Variants in ZNF804B observed in about 807,000 individuals in gnomAD.
The protein encoded by ZNF804B is zinc finger protein 804B.
ZNF804B carries 80 observed loss-of-function variants against 101.4 expected under a neutral mutation model. That is an observed-to-expected ratio of 0.79 (90% CI 0.66 to 0.95). The LOEUF is 0.95. Ranked by LOEUF, ZNF804B falls within the 40% of genes least tolerant of loss-of-function variation. The probability of loss-of-function intolerance (pLI) is 0.00; values close to 1 mark genes in which losing one functional copy is unlikely to be tolerated. For synonymous variants in ZNF804B, 622 were observed against 558.8 expected (o/e 1.11, Z -1.59); for missense variants, 1,673 against 1,561.9 (o/e 1.07, Z -1.20).
chr7:89,041,222 A>G (rs1789012915), intron 1 of ZNF804B, among the ~76,000 whole-genome samples: 1 of 152,174 alleles, frequency 6.6e-6, no homozygotes, highest in Non-Finnish European at 1.5e-5. Context: ...AACTGGATCC[A>G]AGGAAACAGA....
At chr7:89,180,881 C>T (rs924168594) in intron 1 of ZNF804B, among the ~76,000 whole-genome samples, 2 of 147,970 alleles carry the variant, frequency 1.4e-5, no homozygotes, top group African/African-American at 5.0e-5. Flanking sequence ...TTATTTAGGA[C>T]ACCAGAGTGC....
chr7:88,975,252 G>A (rs1275576841), intron 1 of ZNF804B, among the ~76,000 whole-genome samples: 1 of 151,346 alleles, frequency 6.6e-6, no homozygotes, highest in African/African-American at 2.4e-5. Context: ...GAGGGCAGAT[G>A]TCTCTTCAAT....
At chr7:89,139,116 A>T (rs1038985703) in intron 1 of ZNF804B, among the ~76,000 whole-genome samples, 2 of 151,584 alleles carry the variant, frequency 1.3e-5, no homozygotes, top group Admixed American at 1.3e-4. Context: ...GAGTCAAGGA[A>T]TTTTTTTTTG....
At chr7:89,248,466 G>GAAAAAAAAA (rs139869508) in intron 2 of ZNF804B, among the ~76,000 whole-genome samples, 1 of 140,832 alleles carries the variant, frequency 7.1e-6, no homozygotes, top group African/African-American at 2.7e-5. Context: ...AGCATTCTTT[G>GAAAAAAAAA]AAAAAAAAAG....
chr7:89,059,544 G>A (rs550056856), intron 1 of ZNF804B, among the ~76,000 whole-genome samples: 6 of 152,192 alleles, frequency 3.9e-5, no homozygotes, highest in African/African-American at 1.4e-4. Flanking sequence ...AGCCATTCAT[G>A]AGGGATTCAC....
At chr7:89,033,010 A>G (rs1254812002) in intron 1 of ZNF804B, among the ~76,000 whole-genome samples, 10 of 151,180 alleles carry the variant, frequency 6.6e-5, no homozygotes, top group African/African-American at 2.2e-4. Context: ...ATTTATGACT[A>G]TGGTCACTTC....
At chr7:88,898,338 G>A (rs192120128) in intron 1 of ZNF804B, among the ~76,000 whole-genome samples, 7 of 151,792 alleles carry the variant, frequency 4.6e-5, no homozygotes, top group African/African-American at 1.4e-4. Context: ...CACCCGCCTC[G>A]GCCTCCCAAC....
chr7:88,855,637 T>C (rs1177135479), intron 1 of ZNF804B, among the ~76,000 whole-genome samples: 1 of 152,214 alleles, frequency 6.6e-6, no homozygotes, highest in East Asian at 1.9e-4. Context: ...TTTTGGCTTT[T>C]GTTGCCATTG....
chr7:89,296,261 G>GA (rs201496095), intron 2 of ZNF804B, among the ~76,000 whole-genome samples: 2,894 of 151,796 alleles, frequency 0.019, 79 homozygotes, highest in African/African-American at 0.066. Flanking sequence ...GATTATACAG[G>GA]AAAAAAATCT....
At chr7:89,055,765 G>C (rs1789282170) in intron 1 of ZNF804B, among the ~76,000 whole-genome samples, 1 of 151,964 alleles carries the variant, frequency 6.6e-6, no homozygotes, top group Admixed American at 6.6e-5. Context: ...TTGCTCTGGA[G>C]GTTTGCTGCA....
chr7:88,971,022 A>G (rs1204117887), intron 1 of ZNF804B, among the ~76,000 whole-genome samples: 4 of 151,272 alleles, frequency 2.6e-5, no homozygotes, highest in Admixed American at 2.6e-4. Flanking sequence ...AAAGAATAAA[A>G]AAATAAAAAA....
intron 1 of ZNF804B, among the ~76,000 whole-genome samples, chr7:89,129,931 A>T (rs1279201456): frequency 1.3e-5 from 2 of 152,050 alleles, no homozygotes; most frequent in Non-Finnish European, 2.9e-5. Context: ...AAGGCTAATG[A>T]TGAGGAATTC....
intron 1 of ZNF804B, among the ~76,000 whole-genome samples, chr7:88,817,834 G>T (rs185695446): frequency 1.3e-5 from 2 of 152,220 alleles, no homozygotes; most frequent in Non-Finnish European, 2.9e-5. Flanking sequence ...CCCCTGAACT[G>T]AACTGTTATT....
chr7:88,948,040 A>G (rs764385120), intron 1 of ZNF804B, among the ~76,000 whole-genome samples: 3 of 151,976 alleles, frequency 2.0e-5, no homozygotes, highest in Non-Finnish European at 2.9e-5. Context: ...TAGACAAAAT[A>G]TCTAATTAAG....
chr7:89,336,632 T>C lies in ZNF804B; in HGVS notation c.3650T>C (p.Phe1217Ser), dbSNP rs1442325817. 6.2e-7 allele frequency: 1 copy of C among 1,614,096 alleles called. No homozygotes were observed. Among genetic ancestry groups the C allele is most frequent in the Non-Finnish European group, 8.5e-7 (1 of 1,179,980 alleles). The change falls in exon 4 of 4, where the codon TTT becomes TCT. Residue 1217 changes from phenylalanine (F) to serine (S), a missense_variant. Transcript: ENST00000333190. ...ATCCACCACACGTTCCTGCAGCATTTTGCTGTTTCTGCTTCCTTAAGTTCT... is the reference window on the plus strand; with the variant it reads ...ATCCACCACACGTTCCTGCAGCATTCTGCTGTTTCTGCTTCCTTAAGTTCT... ...TTIHHTFLQH[F>S]AVSASLSSHS...
chr7:88,981,502 C>T (rs922887515), intron 1 of ZNF804B, among the ~76,000 whole-genome samples: 1 of 152,058 alleles, frequency 6.6e-6, no homozygotes, highest in Non-Finnish European at 1.5e-5. Flanking sequence ...GACTGCCTAG[C>T]TGGTCTCTCA....
At chr7:89,258,813 T>C (rs1789671968) in intron 2 of ZNF804B, among the ~76,000 whole-genome samples, 1 of 152,144 alleles carries the variant, frequency 6.6e-6, no homozygotes, top group Non-Finnish European at 1.5e-5. Context: ...ATATATTGAC[T>C]ATTAAGTCAA....
Position 89,336,162 on chromosome 7 carries a change from A to C in ZNF804B, c.3180A>C (p.Gln1060His). 1.2e-6 allele frequency: 2 copies of C among 1,613,948 alleles called. No homozygotes were observed. The highest frequency in any genetic ancestry group is 1.7e-6 in the Non-Finnish European group (2 of 1,179,986). ...CAAAACCTTTAATTAGTGAAATCCA[A>C]CCTTTTATTCAAAGCTGTGACCCAG... ...EQSKPLISEI[Q>H]PFIQSCDPVP... is the part of the protein sequence containing the mutation. The change falls in exon 4 of 4, where the codon CAA becomes CAC. Residue 1060 changes from glutamine to histidine, a missense_variant. Transcript: ENST00000333190.
chr7:89,138,454 C>T (rs1157014454), intron 1 of ZNF804B, among the ~76,000 whole-genome samples: 1 of 152,114 alleles, frequency 6.6e-6, no homozygotes, highest in Non-Finnish European at 1.5e-5. Context: ...AGGGACTTGC[C>T]ATGTCTCAGA....
Sources: gnomAD v4.1 joint callset for allele counts (sites outside exome capture counted in the v4.1 genomes callset) on GRCh38, gnomAD v4.1.1 for gene constraint, MANE v1.5 for transcripts, NCBI Gene and HGNC (gene_info 2026-07-23, HGNC 2026-07-21) for gene names.